The following SYT16 variants were observed in gnomAD, a reference collection of about 807,000 sequenced individuals.
SYT16 encodes the protein synaptotagmin-16.
Under a neutral mutation model 61.4 loss-of-function variants are expected in SYT16, and 42 were observed. That is an observed-to-expected ratio of 0.68 (90% CI 0.53 to 0.89). The LOEUF (loss-of-function observed/expected upper bound fraction) is 0.89. Among genes scored for constraint, SYT16 ranks in the 40% least tolerant of loss-of-function variants. SYT16 has a pLI of 0.00. For synonymous variants in SYT16, 314 were observed against 302.3 expected (o/e 1.04, Z -0.40); for missense variants, 804 against 807.3 (o/e 1.00, Z 0.05).
chr14:61,951,735 A>T (rs957073786), intron 1 of SYT16, among the ~76,000 whole-genome samples: 18 of 152,128 alleles, frequency 1.2e-4, no homozygotes, highest in African/African-American at 4.1e-4. Context: ...ACATTTCAAC[A>T]TGACATGTCT....
chr14:61,851,008 T>C (rs1407041239), intron 1 of SYT16, among the ~76,000 whole-genome samples: 1 of 152,186 alleles, frequency 6.6e-6, no homozygotes, highest in Admixed American at 6.5e-5. Flanking sequence ...TCCCATCACC[T>C]ACGTATTAAG....
At chr14:61,999,531 A>G (rs1378054585) in intron 3 of SYT16, among the ~76,000 whole-genome samples, 2 of 151,256 alleles carry the variant, frequency 1.3e-5, no homozygotes, top group African/African-American at 4.9e-5. Flanking sequence ...TTGTCTATCC[A>G]CCTACCTATC....
At chr14:62,050,241 C>T (rs1021360757) in intron 3 of SYT16, among the ~76,000 whole-genome samples, 1 of 152,166 alleles carries the variant, frequency 6.6e-6, no homozygotes, top group African/African-American at 2.4e-5. Context: ...TTTGCTGATA[C>T]CCTTTCTTCC....
intron 1 of SYT16, among the ~76,000 whole-genome samples, chr14:61,892,753 AG>A (rs1285915456): frequency 6.6e-6 from 1 of 152,206 alleles, no homozygotes; most frequent in Non-Finnish European, 1.5e-5. Flanking sequence ...GTGCTGGAGA[AG>A]GGGAATTGAG....
intron 1 of SYT16, among the ~76,000 whole-genome samples, chr14:61,942,949 T>C (rs2050264217): frequency 6.6e-6 from 1 of 152,134 alleles, no homozygotes; most frequent in African/African-American, 2.4e-5. Flanking sequence ...AGGAGCTGGT[T>C]TTTTGAAAAG....
intron 1 of SYT16, among the ~76,000 whole-genome samples, chr14:61,828,667 A>T (rs1197881852): frequency 6.6e-6 from 1 of 152,238 alleles, no homozygotes; most frequent in African/African-American, 2.4e-5. Flanking sequence ...GAAGAAAAAC[A>T]CACAGAGTTA....
chr14:62,002,557 G>A (rs1038243175), intron 3 of SYT16, among the ~76,000 whole-genome samples: 1 of 152,082 alleles, frequency 6.6e-6, no homozygotes, highest in Non-Finnish European at 1.5e-5. Context: ...CTCGGTCTTA[G>A]GCAATTGCTG....
intron 1 of SYT16, among the ~76,000 whole-genome samples, chr14:61,842,305 C>T (rs1009388311): frequency 1.3e-5 from 2 of 152,192 alleles, no homozygotes; most frequent in African/African-American, 4.8e-5. Context: ...CATTAACCAT[C>T]CCCACCTTAT....
rs562230888 is a variant in SYT16 at position 62,078,924 on chromosome 14, G to C, written c.994-1910G>C. Among the ~76,000 whole-genome samples, 9 of 152,336 alleles carry C rather than the reference G, an allele frequency of 5.9e-5. No homozygotes were observed. In the East Asian group the frequency reaches 1.7e-3, roughly 29 times the overall value. On this transcript the variant is annotated intron_variant, in intron 5 of 7. Coordinates refer to ENST00000683842, the MANE Select transcript of SYT16 (RefSeq NM_001367656.1). ...TGTGCCTTAGGGGAAGATGGAACAT[G>C]AGTTAAGGCCAAGAAGATCTGAAGT...
chr14:61,914,265 G>T (rs1045282623), intron 1 of SYT16, among the ~76,000 whole-genome samples: 31 of 152,114 alleles, frequency 2.0e-4, no homozygotes, highest in African/African-American at 7.2e-4. Context: ...GGAAAAGCTT[G>T]GTCTCTGAAG....
At chr14:62,015,177 A>T (rs1566765653) in intron 3 of SYT16, among the ~76,000 whole-genome samples, 1 of 152,048 alleles carries the variant, frequency 6.6e-6, no homozygotes. Flanking sequence ...TTGTATCTAA[A>T]TTTTTTTATG....
chr14:62,029,754 C>G (rs1010688375), intron 3 of SYT16, among the ~76,000 whole-genome samples: 3 of 151,192 alleles, frequency 2.0e-5, no homozygotes, highest in African/African-American at 7.4e-5. Context: ...CACCCTCTGA[C>G]CTCGCTTTTG....
chr14:62,080,807 T>G (rs769146015), intron 5 of SYT16, 27 bp from the exon 6 acceptor site: 2 of 1,560,138 alleles, frequency 1.3e-6, no homozygotes, highest in South Asian at 2.4e-5. Flanking sequence ...CATTTCCATT[T>G]CTAATTGTTT....
chr14:61,890,835 G>A (rs1272792983), intron 1 of SYT16, among the ~76,000 whole-genome samples: 1 of 152,150 alleles, frequency 6.6e-6, no homozygotes, highest in African/African-American at 2.4e-5. Context: ...GGGTTGGCTG[G>A]TGAATGAGGA....
intron 3 of SYT16, among the ~76,000 whole-genome samples, chr14:62,008,819 A>AC (rs1233774741): frequency 6.6e-6 from 1 of 152,148 alleles, no homozygotes; most frequent in Non-Finnish European, 1.5e-5. Flanking sequence ...TTTTACTGCT[A>AC]CATGGTAGTC....
intron 1 of SYT16, among the ~76,000 whole-genome samples, chr14:61,888,253 G>A (rs2047990477): frequency 6.6e-6 from 1 of 151,826 alleles, no homozygotes; most frequent in South Asian, 2.1e-4. Context: ...GAGTAGCTGG[G>A]ATTACAGGTG....
At chr14:61,905,610 T>TA (rs1245466980) in intron 1 of SYT16, among the ~76,000 whole-genome samples, 1 of 152,158 alleles carries the variant, frequency 6.6e-6, no homozygotes, top group Non-Finnish European at 1.5e-5. Context: ...GCCCTCTTCT[T>TA]ACACCTGCTA....
intron 1 of SYT16, among the ~76,000 whole-genome samples, chr14:61,945,142 C>T (rs935685648): frequency 2.0e-5 from 3 of 152,188 alleles, no homozygotes; most frequent in Admixed American, 2.0e-4. Flanking sequence ...GAAAGCTCAT[C>T]ATCACTGGTC....
intron 1 of SYT16, among the ~76,000 whole-genome samples, chr14:61,955,506 T>C (rs1056900532): frequency 6.6e-6 from 1 of 152,096 alleles, no homozygotes; most frequent in South Asian, 2.1e-4. Flanking sequence ...TTGACTATTA[T>C]AAATCTATTG....
Sources: gnomAD v4.1 joint callset for allele counts (sites outside exome capture counted in the v4.1 genomes callset) on GRCh38, gnomAD v4.1.1 for gene constraint, MANE v1.5 for transcripts, NCBI Gene and HGNC (gene_info 2026-07-23, HGNC 2026-07-21) for gene names.